The following TESMIN variants were observed in gnomAD, a reference collection of about 807,000 sequenced individuals.
TESMIN encodes CXC domain containing 2.
TESMIN carries 34 observed loss-of-function variants against 47.4 expected under a neutral mutation model. The ratio of observed to expected loss-of-function variants is 0.72; its 90% CI spans 0.55 to 0.96. The LOEUF (loss-of-function observed/expected upper bound fraction) is 0.96, where lower values mean the gene tolerates loss of function less well. TESMIN is among the 40% of genes least tolerant of loss of function. The pLI is 0.00. For missense variants in TESMIN, 610 were observed against 637.2 expected, an observed-to-expected ratio of 0.96 and a Z score of 0.46; for synonymous variants, 278 against 258.9, an observed-to-expected ratio of 1.07 and a Z score of -0.71.
rs112439017 is a variant in TESMIN, at chr11:68,746,878, G to A, written c.630+330C>T. 2.6e-3 allele frequency among the ~76,000 whole-genome samples: 389 copies of A among 152,292 alleles called. 5 individuals are homozygous for A. The highest frequency in any genetic ancestry group is 8.4e-3 in the African/African-American group (350 of 41,558). ...GGCTCTGCCCTGAAGCCACAGGACC[G>A]TGCCCCACACCAATATGCCAAACCA... On this transcript the variant is annotated intron_variant, in intron 3 of 9. Coordinates refer to ENST00000255087, the MANE Select transcript of TESMIN (RefSeq NM_004923.3).
rs748803869 is a variant in TESMIN, at chr11:68,708,372, A to C, written c.1463T>G (p.Phe488Cys). 3.1e-6 allele frequency: 5 copies of C among 1,613,892 alleles called. No homozygotes were observed. In the South Asian group the frequency reaches 4.4e-5, roughly 14 times the overall value. The change falls in exon 10 of 10, where the codon TTT (phenylalanine) becomes TGT (cysteine). Residue 488 changes from phenylalanine (F) to cysteine (C), a missense_variant. Coordinates refer to ENST00000255087, the MANE Select transcript of TESMIN (RefSeq NM_004923.3). ...GAGAATCTGTGATAAGCACCTTCCA[A>C]ATTCCTCCAGGATCATCTGCTCTGC... is the stretch of plus-strand genomic sequence containing the variant. ...CLAEQMILEE[F>C]GRCLSQILHT...
chr11:68,707,987 C>G lies in TESMIN; in HGVS notation c.*321G>C. Reference sequence around the variant, plus strand: ...GGGCCTGCTCTGCCCTCCCCTGCCCCGCTCTGCCCTTCGCAGGGCCTGCTG... The same window carrying G: ...GGGCCTGCTCTGCCCTCCCCTGCCCGGCTCTGCCCTTCGCAGGGCCTGCTG... On this transcript the variant is annotated 3_prime_UTR_variant, in exon 10 of 10. Coordinates refer to ENST00000255087, the MANE Select transcript of TESMIN (RefSeq NM_004923.3). 1 of 440,004 alleles carries G rather than the reference C, an allele frequency of 2.3e-6. No individual in the cohort carries two copies. Among genetic ancestry groups the G allele is most frequent in the Non-Finnish European group, 4.4e-6 (1 of 227,260 alleles). The allele number at this position is 440,004 out of a possible 1,614,324, so 27.3% of individuals were successfully genotyped here.
intron 6 of TESMIN, among the ~76,000 whole-genome samples, chr11:68,723,592 A>G (rs1372695380): frequency 6.6e-6 from 1 of 152,076 alleles, no homozygotes; most frequent in Admixed American, 6.6e-5. Flanking sequence ...TACTTCATGA[A>G]CCACAACCAA....
At chr11:68,738,917 T>C (rs1044114531) in intron 5 of TESMIN, 129 bp from the exon 6 acceptor site, 3 of 739,972 alleles carry the variant, frequency 4.1e-6, no homozygotes, top group Non-Finnish European at 4.4e-6. Flanking sequence ...TTTATAACCA[T>C]GTCTGGCCTT....
chr11:68,709,292 C>G (rs946848359), intron 9 of TESMIN, among the ~76,000 whole-genome samples: 2 of 152,190 alleles, frequency 1.3e-5, no homozygotes, highest in African/African-American at 4.8e-5. Context: ...TGAGGCAGGG[C>G]ACGGGGACAA....
At chr11:68,745,947 G>C (rs140354499) in intron 3 of TESMIN, among the ~76,000 whole-genome samples, 2 of 152,306 alleles carry the variant, frequency 1.3e-5, no homozygotes, top group Admixed American at 6.5e-5. Context: ...TCTGCTGGCA[G>C]AACCACAACT....
At chr11:68,736,436 T>C in intron 6 of TESMIN, 1 of 985,450 alleles carries the variant, frequency 1.0e-6, no homozygotes, top group Non-Finnish European at 1.2e-6. Context: ...TGAACCACAC[T>C]GGGCTGACAG....
At chr11:68,727,248 C>G (rs551516068) in intron 6 of TESMIN, among the ~76,000 whole-genome samples, 1 of 152,142 alleles carries the variant, frequency 6.6e-6, no homozygotes, top group Non-Finnish European at 1.5e-5. Flanking sequence ...CAAGACCAGC[C>G]TTGCCAACAT....
intron 8 of TESMIN, among the ~76,000 whole-genome samples, chr11:68,712,168 G>C (rs549168842): frequency 6.6e-6 from 1 of 152,388 alleles, no homozygotes; most frequent in South Asian, 2.1e-4. Flanking sequence ...TGTGGGCTGT[G>C]CCCAGCATAG....
At chr11:68,747,170 A>G (rs1186934752) in intron 3 of TESMIN, 38 bp downstream of exon 3, 1 of 1,594,322 alleles carries the variant, frequency 6.3e-7, no homozygotes, top group Admixed American at 1.7e-5. Context: ...AGCATTTAGT[A>G]TAATGTTAGT....
In TESMIN at chr11:68,715,947, G is replaced by A. The variant is rs1457386239; in HGVS notation, c.918-8C>T. 6 of 1,570,520 alleles carry A rather than the reference G, an allele frequency of 3.8e-6. No individual in the cohort carries two copies. The highest frequency in any genetic ancestry group is 2.2e-5 in the East Asian group (1 of 44,608). The stretch of plus-strand genomic sequence containing the variant: ...GCAAAGCAGTCACAGTACCTGTGAA[G>A]GAAAGGACAGAGTGAGTGGCAGGCA... On this transcript the variant is annotated splice_region_variant and splice_polypyrimidine_tract_variant and intron_variant, in intron 6 of 9. Transcript: ENST00000255087.
At chr11:68,710,666 A>G (rs1199631278) in intron 9 of TESMIN, 2 of 533,034 alleles carry the variant, frequency 3.8e-6, no homozygotes, top group Non-Finnish European at 6.5e-6. Context: ...AAAGAGGACA[A>G]AACAGGTTTC....
intron 6 of TESMIN, among the ~76,000 whole-genome samples, chr11:68,719,287 G>A (rs866903481): frequency 3.9e-5 from 6 of 152,186 alleles, no homozygotes; most frequent in Admixed American, 1.3e-4. Flanking sequence ...CTAAGTACTG[G>A]GTATGAACAG....
At chr11:68,738,569 A>G in intron 6 of TESMIN, 131 bp downstream of exon 6, 3 of 1,473,156 alleles carry the variant, frequency 2.0e-6, no homozygotes, top group Non-Finnish European at 2.7e-6. Context: ...GCTGATGGTA[A>G]AAACATTTCT....
chr11:68,712,479 A>G (rs1005850492), intron 8 of TESMIN, among the ~76,000 whole-genome samples: 1 of 152,170 alleles, frequency 6.6e-6, no homozygotes, highest in Non-Finnish European at 1.5e-5. Flanking sequence ...GAACCCCCAA[A>G]AGACCTCAAG....
At chr11:68,710,100 G>A (rs1002294869) in intron 9 of TESMIN, among the ~76,000 whole-genome samples, 6 of 152,150 alleles carry the variant, frequency 3.9e-5, no homozygotes, top group South Asian at 2.1e-4. Context: ...TTGAGGCTGC[G>A]TGAGCTGTGA....
rs1309411563 is a variant in TESMIN at position 68,750,510 on chromosome 11, C to T, written c.151G>A (p.Glu51Lys). 1 of 1,604,344 alleles carries T rather than the reference C, an allele frequency of 6.2e-7. No individual in the cohort carries two copies. The highest frequency in any genetic ancestry group is 8.5e-7 in the Non-Finnish European group (1 of 1,176,088). ...GGGTCCGCCGGGCCCAGGTACGCTT[C>T]TTTGAAGACGTGGAACTCGTCCTCC... ...YEEDEFHVFK[E>K]AYLGPADPKE... The change falls in exon 2 of 10, where the codon GAA becomes AAA. Residue 51 changes from glutamate (E) to lysine (K), a missense_variant. Transcript: ENST00000255087.
chr11:68,750,120 ACTAGCAGC>A (rs1946571180), intron 2 of TESMIN, 62 bp downstream of exon 2: 1 of 1,260,218 alleles, frequency 7.9e-7, no homozygotes, highest in Admixed American at 3.5e-5. Context: ...CCTGGGGTAC[ACTAGCAGC>A]CTCAGATGGG....
At chr11:68,712,378 A>G (rs935893737) in intron 8 of TESMIN, among the ~76,000 whole-genome samples, 1 of 152,224 alleles carries the variant, frequency 6.6e-6, no homozygotes, top group African/African-American at 2.4e-5. Flanking sequence ...CCACCTTCCC[A>G]GGTCTTTCAG....
Sources: gnomAD v4.1 joint callset for allele counts (sites outside exome capture counted in the v4.1 genomes callset) on GRCh38, gnomAD v4.1.1 for gene constraint, MANE v1.5 for transcripts, NCBI Gene and HGNC (gene_info 2026-07-23, HGNC 2026-07-21) for gene names.